Variants in CDHR2 observed in about 807,000 individuals in gnomAD.
CDHR2 encodes the protein cadherin related family member 2, also known as cadherin-related family member 2.
Under a neutral mutation model 138.6 loss-of-function variants are expected in CDHR2, and 104 were observed. The ratio of observed to expected loss-of-function variants is 0.75; its 90% confidence interval spans 0.64 to 0.88. The LOEUF is 0.88. Ranked by LOEUF, CDHR2 falls within the 40% of genes least tolerant of loss-of-function variation. CDHR2 has a pLI of 0.00. For synonymous variants in CDHR2, 755 were observed against 742.8 expected, an observed-to-expected ratio of 1.02 and a Z score of -0.27; for missense variants, 1,624 against 1,727.6, an observed-to-expected ratio of 0.94 and a Z score of 1.06.
upstream of CDHR2, among the ~76,000 whole-genome samples, chr5:176,544,451 C>CTTTTTCTCTCTTTCCTTT (rs371507296): frequency 6.8e-6 from 1 of 146,160 alleles, no homozygotes; most frequent in Admixed American, 7.0e-5. Flanking sequence ...TTCTCTCTTT[C>CTTTTTCTCTCTTTCCTTT]CTTTTTTTGA....
Position 176,558,992 on chromosome 5 carries a change from G to A in CDHR2, c.-15-6346G>A, listed in dbSNP as rs773949765. 6.6e-5 allele frequency among the ~76,000 whole-genome samples: 10 copies of A among 152,198 alleles called. No individual in the cohort carries two copies. In the East Asian group the frequency reaches 1.2e-3, roughly 18 times the overall value. On this transcript the variant is annotated intron_variant, in intron 1 of 31. Transcript: ENST00000261944. ...AGCTGGGATTATGTAAAAGATTAGC[G>A]GTTGGACAGTGGGGACTGGCTAGAC...
chr5:176,590,493 C>T lies in CDHR2; in HGVS notation c.3414+8C>T, dbSNP rs545598518. The T allele has an allele frequency of 5.0e-5, 80 of 1,613,850 alleles. No individual in the cohort carries two copies. In the East Asian group the frequency reaches 6.2e-4, roughly 13 times the overall value. ...CTGGGGCTGGTGGTGCTGGTGAGTG[C>T]GGGCAGGGCGGGGCAGCAGGTGGGG... On this transcript the variant is annotated splice_region_variant and intron_variant, in intron 27 of 31. Coordinates refer to ENST00000261944, the MANE Select transcript of CDHR2 (RefSeq NM_017675.6).
intron 17 of CDHR2, among the ~76,000 whole-genome samples, chr5:176,581,973 C>T (rs1011541618): frequency 2.0e-5 from 3 of 152,154 alleles, no homozygotes; most frequent in Non-Finnish European, 4.4e-5. Context: ...TCAGGGCATC[C>T]GCCAAGGTTG....
At chr5:176,577,604 C>T in intron 13 of CDHR2, 33 bp from the exon 14 acceptor site, 4 of 1,613,842 alleles carry the variant, frequency 2.5e-6, no homozygotes, top group African/African-American at 1.3e-5. Flanking sequence ...GGCACTTGGG[C>T]CCCACAGCTG....
At chr5:176,575,883 A>T in intron 11 of CDHR2, 44 bp downstream of exon 11, 1 of 1,551,774 alleles carries the variant, frequency 6.4e-7, no homozygotes, top group Non-Finnish European at 8.7e-7. Context: ...CTGCTCTCTA[A>T]CCTCTGGCCT....
intron 1 of CDHR2, among the ~76,000 whole-genome samples, chr5:176,561,476 C>G (rs777307754): frequency 5.3e-5 from 8 of 152,112 alleles, no homozygotes; most frequent in Non-Finnish European, 1.0e-4. Context: ...GCCCTCACAT[C>G]TCTTCTGGCC....
rs1025236126 is a variant in CDHR2 at position 176,584,986 on chromosome 5, AC to A, written c.2709del (p.Gly904AlafsTer18). The A allele has an allele frequency of 6.5e-7, 1 of 1,548,696 alleles. No individual in the cohort carries two copies. The highest frequency in any genetic ancestry group is 1.4e-5 in the African/African-American group (1 of 72,984). On this transcript the variant is annotated frameshift_variant, in exon 19 of 32. Transcript: ENST00000261944. LOFTEE classifies it high-confidence loss of function. ...GTGCGGGCCTGTGACCTAGCCACGG[AC>A]CCCGGCTTCCAGGCCTACAGCAACA... ...LVVRACDLAT[D>X]PGFQAYSNNG...
chr5:176,589,383 A>T lies in CDHR2; in HGVS notation c.3062A>T (p.Gln1021Leu). The T allele has an allele frequency of 6.4e-7, 1 of 1,566,272 alleles. No homozygotes were observed. Among genetic ancestry groups the T allele is most frequent in the Non-Finnish European group, 8.7e-7 (1 of 1,154,954 alleles). The change falls in exon 23 of 32, where the codon CAG becomes CTG. Residue 1021 changes from glutamine to leucine, a missense_variant. Coordinates refer to ENST00000261944, the MANE Select transcript of CDHR2 (RefSeq NM_017675.6). ...CAAGGCACCTACCAAGTGACAGTCC[A>T]GGCCAGGGACAGACCTTCCTTGGGT... ...TLQGTYQVTVQARDRPSLGPF... is the reference protein window; with the variant it reads ...TLQGTYQVTVLARDRPSLGPF...
At chr5:176,587,555 C>T (rs933259048) in intron 21 of CDHR2, among the ~76,000 whole-genome samples, 1 of 152,120 alleles carries the variant, frequency 6.6e-6, no homozygotes, top group African/African-American at 2.4e-5. Flanking sequence ...GTGGCCATGC[C>T]GTGTGGGGAT....
At chr5:176,542,936 G>A (rs1048475845) in intron 1 of CDHR2, among the ~76,000 whole-genome samples, 19 of 152,230 alleles carry the variant, frequency 1.2e-4, no homozygotes, top group African/African-American at 4.6e-4. Context: ...CCGGCTCGCG[G>A]TGCCGGACGC....
At position 176,585,303 on chromosome 5, in the gene CDHR2, A is replaced by G. The variant is rs147630526; in HGVS notation, c.2734+288A>G. On this transcript the variant is annotated intron_variant, in intron 19 of 31. Transcript: ENST00000261944. ...CAAATTAATGCCATTATTTTACAAG[A>G]TGCTGTGAAAGAAAGATAACACTGC... 5.3e-3 allele frequency among the ~76,000 whole-genome samples: 803 copies of G among 152,320 alleles called. 3 individuals are homozygous for G. The highest frequency in any genetic ancestry group is 8.1e-3 in the Admixed American group (124 of 15,300).
chr5:176,575,876 C>T lies in CDHR2; in HGVS notation c.960+37C>T, dbSNP rs1435247766. 3.9e-6 allele frequency: 6 copies of T among 1,544,206 alleles called. No individual in the cohort carries two copies. The Admixed American group carries it at 1.2e-4, about 30-fold the overall frequency. On this transcript the variant is annotated intron_variant, in intron 11 of 31. Transcript: ENST00000261944. ...CCCCACCACCCCTGTCAGAACCCTGCTCTCTAACCTCTGGCCTTTGATCTC... is the reference window on the plus strand; with the variant it reads ...CCCCACCACCCCTGTCAGAACCCTGTTCTCTAACCTCTGGCCTTTGATCTC...
intron 6 of CDHR2, among the ~76,000 whole-genome samples, chr5:176,572,681 A>C (rs946910625): frequency 2.0e-5 from 3 of 152,182 alleles, no homozygotes; most frequent in African/African-American, 7.2e-5. Flanking sequence ...CTGGGCAGCA[A>C]ATACCACCAC....
At chr5:176,563,412 G>A (rs982858028) in intron 1 of CDHR2, among the ~76,000 whole-genome samples, 4 of 152,140 alleles carry the variant, frequency 2.6e-5, no homozygotes, top group African/African-American at 9.7e-5. Flanking sequence ...TTCGTCAGCA[G>A]CTGTGAACTG....
chr5:176,587,137 T>C lies in CDHR2; in HGVS notation c.2856+295T>C, dbSNP rs77300963. On this transcript the variant is annotated intron_variant, in intron 21 of 31. Coordinates refer to ENST00000261944, the MANE Select transcript of CDHR2 (RefSeq NM_017675.6). ...CATAGCTAATTGTAAATTAAGCCAG[T>C]GCCTTGTCATTAAATAATTCTCAGA... 8.9e-3 allele frequency among the ~76,000 whole-genome samples: 1,363 copies of C among 152,354 alleles called. 21 individuals are homozygous for C. Among genetic ancestry groups the C allele is most frequent in the African/African-American group, 0.03 (1,259 of 41,578 alleles).
chr5:176,573,426 G>A (rs2113293668), intron 6 of CDHR2, among the ~76,000 whole-genome samples: 1 of 152,012 alleles, frequency 6.6e-6, no homozygotes, highest in African/African-American at 2.4e-5. Context: ...GATCACCTGA[G>A]GTCAGGAGTT....
intron 11 of CDHR2, 32 bp downstream of exon 11, chr5:176,575,871 C>G: frequency 6.5e-7 from 1 of 1,545,658 alleles, no homozygotes; most frequent in Non-Finnish European, 8.8e-7. Context: ...CCTGTCAGAA[C>G]CCTGCTCTCT....
At chr5:176,573,623 G>A (rs1758285591) in intron 6 of CDHR2, among the ~76,000 whole-genome samples, 1 of 151,182 alleles carries the variant, frequency 6.6e-6, no homozygotes, top group Non-Finnish European at 1.5e-5. Context: ...CTCCAGCCTG[G>A]GCGAAAGAGT....
intron 6 of CDHR2, 142 bp from the exon 7 acceptor site, chr5:176,573,941 C>T (rs1173955493): frequency 4.7e-6 from 3 of 633,302 alleles, no homozygotes; most frequent in African/African-American, 3.7e-5. Flanking sequence ...GTGCCTTCCA[C>T]CCGCAGCCCT....
Sources: allele counts gnomAD v4.1 joint callset (sites outside exome capture counted in the v4.1 genomes callset), GRCh38; gene constraint gnomAD v4.1.1; transcripts MANE v1.5; gene names NCBI Gene and HGNC (gene_info 2026-07-23, HGNC 2026-07-21).